PHACTR1: variants seen among roughly 807,000 people sequenced by gnomAD.
The protein encoded by PHACTR1 is phosphatase and actin regulator 1.
A neutral mutation model predicts 69.2 loss-of-function variants in PHACTR1; 16 were observed. The observed-to-expected ratio is 0.23, with a 90% CI of 0.16 to 0.35. PHACTR1 has a LOEUF of 0.35. Ranked by LOEUF, PHACTR1 falls within the 10% of genes least tolerant of loss-of-function variation. The pLI is 1.00. For missense variants in PHACTR1, 510 were observed against 734.7 expected, an observed-to-expected ratio of 0.69 and a Z score of 3.54; for synonymous variants, 312 against 284.5, an observed-to-expected ratio of 1.10 and a Z score of -0.97.
intron 7 of PHACTR1, among the ~76,000 whole-genome samples, chr6:13,185,656 A>G (rs974292766): frequency 9.2e-5 from 14 of 152,364 alleles, no homozygotes; most frequent in African/African-American, 3.1e-4. Flanking sequence ...ACTTTGGCAC[A>G]TGAATTAGAT....
At position 12,843,116 on chromosome 6, in the gene PHACTR1, T is replaced by C. The variant is rs370622244; in HGVS notation, c.250+93326T>C. ...ATGTGGGAACTAGGACTCTTTTCTC[T>C]TGTTAAAATTCCCTATAGCAAGGAG... On this transcript the variant is annotated intron_variant, in intron 4 of 14. Transcript: ENST00000332995. 3.3e-5 allele frequency among the ~76,000 whole-genome samples: 5 copies of C among 152,332 alleles called. No individual in the cohort carries two copies. In the East Asian group the frequency reaches 5.8e-4, roughly 18 times the overall value.
chr6:13,254,752 G>C (rs999659184), intron 10 of PHACTR1, among the ~76,000 whole-genome samples: 7 of 152,180 alleles, frequency 4.6e-5, no homozygotes, highest in African/African-American at 1.4e-4. Context: ...CAACCAACCA[G>C]AGTTGACAAA....
chr6:12,808,105 C>A (rs146624421), intron 4 of PHACTR1, among the ~76,000 whole-genome samples: 1 of 152,090 alleles, frequency 6.6e-6, no homozygotes, highest in Admixed American at 6.6e-5. Context: ...TATATCTTCA[C>A]GTTTAAAAAA....
At chr6:13,007,516 T>A (rs2127637617) in intron 4 of PHACTR1, among the ~76,000 whole-genome samples, 1 of 152,272 alleles carries the variant, frequency 6.6e-6, no homozygotes, top group Middle Eastern at 3.4e-3. Flanking sequence ...ATAAGAGTCT[T>A]CCTTGGATAT....
At chr6:13,013,737 C>A (rs1212031953) in intron 4 of PHACTR1, among the ~76,000 whole-genome samples, 1 of 150,430 alleles carries the variant, frequency 6.6e-6, no homozygotes, top group African/African-American at 2.4e-5. Context: ...AAGACCCTTT[C>A]GGCGCCCTCC....
intron 4 of PHACTR1, among the ~76,000 whole-genome samples, chr6:12,985,921 C>T (rs899439462): frequency 6.6e-6 from 1 of 151,778 alleles, no homozygotes; most frequent in Admixed American, 6.6e-5. Context: ...CTGCAACCTC[C>T]GTCTCCCAGG....
At chr6:12,806,849 A>T (rs915178621) in intron 4 of PHACTR1, among the ~76,000 whole-genome samples, 3 of 152,204 alleles carry the variant, frequency 2.0e-5, no homozygotes, top group African/African-American at 7.2e-5. Flanking sequence ...GTCCTTAAAA[A>T]ACACAGCCAG....
intron 5 of PHACTR1, among the ~76,000 whole-genome samples, chr6:13,112,948 C>T (rs914435615): frequency 6.6e-6 from 1 of 152,076 alleles, no homozygotes; most frequent in Non-Finnish European, 1.5e-5. Context: ...AATCTTTGCC[C>T]ATTCTTATAT....
Position 13,245,205 on chromosome 6 carries a change from C to T in PHACTR1, c.1391+15012C>T, listed in dbSNP as rs1179300669. On this transcript the variant is annotated intron_variant, in intron 10 of 14. Transcript: ENST00000332995. The surrounding 1 kb of genome is among the most constrained non-coding windows in gnomAD (Gnocchi z 4.1). ...GTTCCTTTGGGTATATACCCAGTAACGGGATTGCAAGGTCGACGGGTAATT... is the reference window on the plus strand; with the variant it reads ...GTTCCTTTGGGTATATACCCAGTAATGGGATTGCAAGGTCGACGGGTAATT... Among the ~76,000 whole-genome samples, 5 of 152,146 alleles carry T rather than the reference C, an allele frequency of 3.3e-5. No individual in the cohort carries two copies. Among genetic ancestry groups the T allele is most frequent in the Non-Finnish European group, 5.9e-5 (4 of 68,028 alleles).
chr6:13,110,473 A>C (rs1816862108), intron 5 of PHACTR1, among the ~76,000 whole-genome samples: 1 of 152,190 alleles, frequency 6.6e-6, no homozygotes, highest in Non-Finnish European at 1.5e-5. Context: ...TCTTTCCCCA[A>C]AGGTTGTGAT....
At chr6:12,837,330 T>G (rs1230553081) in intron 4 of PHACTR1, among the ~76,000 whole-genome samples, 1 of 152,216 alleles carries the variant, frequency 6.6e-6, no homozygotes, top group Non-Finnish European at 1.5e-5. Flanking sequence ...TTAAAATTAC[T>G]GTCTTTTAGT....
intron 4 of PHACTR1, among the ~76,000 whole-genome samples, chr6:12,761,666 C>A (rs1245671899): frequency 6.6e-6 from 1 of 152,168 alleles, no homozygotes; most frequent in Non-Finnish European, 1.5e-5. Flanking sequence ...TCCAACTTAG[C>A]CCAAGGCAGA....
chr6:12,780,249 CTGTGTGTGTG>C (rs71552713), intron 4 of PHACTR1, among the ~76,000 whole-genome samples: 10,308 of 147,258 alleles, frequency 0.07, 425 homozygotes, highest in Admixed American at 0.1. Flanking sequence ...TATCTTTTCT[CTGTGTGTGTG>C]TGTGTGTGTG....
rs1167673625 is a variant in PHACTR1 at position 12,804,263 on chromosome 6, C to G, written c.250+54473C>G. On this transcript the variant is annotated intron_variant, in intron 4 of 14. Transcript: ENST00000332995. Reference sequence around the variant, plus strand: ...CTTATATTTGGATCAAAGAAAACAACTCTGCCTCTTATTCAGTGACTTGTG... The same window carrying G: ...CTTATATTTGGATCAAAGAAAACAAGTCTGCCTCTTATTCAGTGACTTGTG... Among the ~76,000 whole-genome samples the G allele has an allele frequency of 2.0e-5, 3 of 152,216 alleles. No individual in the cohort carries two copies. In the East Asian group the frequency reaches 5.8e-4, roughly 29 times the overall value.
At chr6:12,898,251 C>G (rs1400326872) in intron 4 of PHACTR1, among the ~76,000 whole-genome samples, 1 of 152,130 alleles carries the variant, frequency 6.6e-6, no homozygotes, top group Non-Finnish European at 1.5e-5. Context: ...CTACCATTTT[C>G]TCTTCTCTGG....
intron 8 of PHACTR1, among the ~76,000 whole-genome samples, chr6:13,218,925 A>C (rs183827457): frequency 4.0e-5 from 6 of 151,012 alleles, no homozygotes; most frequent in Admixed American, 3.3e-4. Flanking sequence ...AAAGGTAGAA[A>C]AAGGGAAAGG....
At chr6:13,144,330 A>G (rs1284198665) in intron 5 of PHACTR1, among the ~76,000 whole-genome samples, 1 of 152,230 alleles carries the variant, frequency 6.6e-6, no homozygotes, top group Non-Finnish European at 1.5e-5. Context: ...CTCATAAACT[A>G]TTAGAACTAA....
chr6:13,282,078 C>T (rs754509993), intron 12 of PHACTR1, among the ~76,000 whole-genome samples: 2 of 152,214 alleles, frequency 1.3e-5, no homozygotes, highest in African/African-American at 2.4e-5. Flanking sequence ...GGAACATTCT[C>T]GCACTAGCCA....
At chr6:12,867,615 T>TG (rs1781586661) in intron 4 of PHACTR1, among the ~76,000 whole-genome samples, 1 of 152,210 alleles carries the variant, frequency 6.6e-6, no homozygotes, top group African/African-American at 2.4e-5. Context: ...ACTAGCCCTC[T>TG]TGCTGGAGAA....
Sources: gnomAD v4.1 joint callset for allele counts (sites outside exome capture counted in the v4.1 genomes callset) on GRCh38, gnomAD v4.1.1 for gene constraint, Gnocchi (gnomAD v3.1) non-coding constraint, MANE v1.5 for transcripts, NCBI Gene and HGNC (gene_info 2026-07-23, HGNC 2026-07-21) for gene names.